The following BICD1 variants were observed in gnomAD, a reference collection of about 807,000 sequenced individuals.
BICD1 encodes the protein protein bicaudal D homolog 1.
Under a neutral mutation model 92.5 loss-of-function variants are expected in BICD1, and 35 were observed. The observed-to-expected ratio is 0.38, with a 90% CI of 0.29 to 0.50. The LOEUF (loss-of-function observed/expected upper bound fraction) is 0.50. BICD1 is among the 20% of genes least tolerant of loss of function. The pLI is 0.93. For missense variants in BICD1, 950 were observed against 1,189.8 expected (o/e 0.80, Z 2.97); for synonymous variants, 429 against 465.1 (o/e 0.92, Z 1.00).
chr12:32,348,723 A>AT (rs1938731494), intron 8 of BICD1, among the ~76,000 whole-genome samples: 1 of 117,956 alleles, frequency 8.5e-6, no homozygotes, highest in Non-Finnish European at 1.9e-5. Context: ...CTCACACAAA[A>AT]ATATATATAT....
At chr12:32,119,197 A>G (rs1942054499) in intron 1 of BICD1, among the ~76,000 whole-genome samples, 1 of 152,198 alleles carries the variant, frequency 6.6e-6, no homozygotes, top group South Asian at 2.1e-4. Flanking sequence ...CATGCTCTGT[A>G]AAAATGACCA....
chr12:32,169,268 A>C (rs1055432509), intron 1 of BICD1, among the ~76,000 whole-genome samples: 4 of 152,198 alleles, frequency 2.6e-5, no homozygotes, highest in Admixed American at 2.6e-4. Flanking sequence ...ACTTAGCACA[A>C]TAAATATTTA....
intron 8 of BICD1, chr12:32,354,034 A>T (rs1011239818): frequency 6.6e-6 from 1 of 152,202 alleles, no homozygotes; most frequent in Non-Finnish European, 1.5e-5. Context: ...GATAACACAC[A>T]TGCTCATGGT....
intron 2 of BICD1, among the ~76,000 whole-genome samples, chr12:32,246,812 C>G (rs150185382): frequency 0.012 from 1,883 of 152,264 alleles, 19 homozygotes; most frequent in Non-Finnish European, 0.018. Context: ...AACCCTTGCT[C>G]TCATGAAACT....
intron 1 of BICD1, among the ~76,000 whole-genome samples, chr12:32,123,492 C>A (rs957637940): frequency 6.6e-6 from 1 of 152,252 alleles, no homozygotes; most frequent in African/African-American, 2.4e-5. Flanking sequence ...ATATGGCATT[C>A]TCTTCCTTCC....
chr12:32,311,370 A>T (rs1948371897), intron 4 of BICD1, among the ~76,000 whole-genome samples: 2 of 152,252 alleles, frequency 1.3e-5, no homozygotes, highest in South Asian at 4.1e-4. Flanking sequence ...ATGGTGATGC[A>T]TGCCTGTAGT....
chr12:32,155,129 A>T (rs1271776333), intron 1 of BICD1, among the ~76,000 whole-genome samples: 2 of 152,212 alleles, frequency 1.3e-5, no homozygotes, highest in African/African-American at 4.8e-5. Context: ...TAAGTTTTTA[A>T]ATCCACAGTG....
At chr12:32,350,437 A>G (rs1399982077) in intron 8 of BICD1, among the ~76,000 whole-genome samples, 1 of 152,182 alleles carries the variant, frequency 6.6e-6, no homozygotes, top group Non-Finnish European at 1.5e-5. Flanking sequence ...TGATTGCACC[A>G]CTGCACTCTA....
chr12:32,238,584 G>C (rs922247395), intron 2 of BICD1, among the ~76,000 whole-genome samples: 3 of 152,206 alleles, frequency 2.0e-5, no homozygotes, highest in African/African-American at 4.8e-5. Flanking sequence ...AAACAGCATT[G>C]CATGCTTCAG....
intron 1 of BICD1, among the ~76,000 whole-genome samples, chr12:32,141,587 C>T (rs1942922182): frequency 6.6e-6 from 1 of 152,106 alleles, no homozygotes; most frequent in South Asian, 2.1e-4. Context: ...GATTCTCCTG[C>T]CTCAGCCTCC....
chr12:32,294,002 G>C lies in BICD1; in HGVS notation c.435G>C (p.Glu145Asp). 6.2e-7 allele frequency: 1 copy of C among 1,612,576 alleles called. No homozygotes were observed. The highest frequency in any genetic ancestry group is 8.5e-7 in the Non-Finnish European group (1 of 1,179,674). The stretch of plus-strand genomic sequence containing the variant: ...TTACTCTGTTGTTTCAGAACAATGA[G>C]ATGGTGGAGCTACAGAGAATACGGA... ...AVVQDLKENN[E>D]MVELQRIRMK... Residue 145 changes from glutamate (E) to aspartate (D), a missense_variant, in exon 3 of 10, where the codon GAG (glutamate) becomes GAC (aspartate). Glu to Asp is a conservative substitution (Grantham distance 45). Transcript: ENST00000652176.
At chr12:32,376,141 TG>T (rs1939948726) in intron 9 of BICD1, among the ~76,000 whole-genome samples, 1 of 150,674 alleles carries the variant, frequency 6.6e-6, no homozygotes, top group Non-Finnish European at 1.5e-5. Context: ...TGGAGTACAG[TG>T]GCGCCATCTT....
At chr12:32,182,815 A>T (rs144789997) in intron 1 of BICD1, among the ~76,000 whole-genome samples, 14 of 150,324 alleles carry the variant, frequency 9.3e-5, no homozygotes, top group African/African-American at 3.2e-4. Context: ...CATGAAATTT[A>T]GTGAGTATTA....
At chr12:32,111,997 A>G (rs1941712488) in intron 1 of BICD1, among the ~76,000 whole-genome samples, 1 of 132,018 alleles carries the variant, frequency 7.6e-6, no homozygotes, top group African/African-American at 2.9e-5. Flanking sequence ...AACTTGCACT[A>G]TCCCTTTTTT....
chr12:32,332,093 C>A (rs1327304256), intron 5 of BICD1, among the ~76,000 whole-genome samples: 1 of 152,028 alleles, frequency 6.6e-6, no homozygotes, highest in Non-Finnish European at 1.5e-5. Context: ...GAGCTGGAGA[C>A]CATTATCCTT....
intron 2 of BICD1, among the ~76,000 whole-genome samples, chr12:32,237,002 G>A (rs1946092663): frequency 6.7e-6 from 1 of 148,548 alleles, no homozygotes; most frequent in African/African-American, 2.5e-5. Context: ...AGCCTCCCAT[G>A]TAGCTGGGAC....
At chr12:32,345,170 C>T (rs959801095) in intron 8 of BICD1, among the ~76,000 whole-genome samples, 26 of 151,584 alleles carry the variant, frequency 1.7e-4, no homozygotes, top group Non-Finnish European at 3.2e-4. Flanking sequence ...CACTCATAGT[C>T]CCAGCTGCTC....
At chr12:32,312,884 A>T (rs1948415487) in intron 4 of BICD1, among the ~76,000 whole-genome samples, 2 of 152,190 alleles carry the variant, frequency 1.3e-5, no homozygotes, top group Non-Finnish European at 2.9e-5. Context: ...TGGTGCCCTC[A>T]AGACCTCATT....
rs1284940210 is a variant in BICD1 at position 32,379,079 on chromosome 12, A to G, written c.*1452A>G. 1 of 152,174 alleles carries G rather than the reference A, an allele frequency of 6.6e-6. No individual in the cohort carries two copies. The highest frequency in any genetic ancestry group is 2.4e-5 in the African/African-American group (1 of 41,444). 9.4% of individuals were successfully genotyped at this position (152,174 alleles called of 1,614,324 possible). A position where few individuals can be genotyped will look rare whatever the true frequency, so the allele number is the denominator to read the frequency against. On this transcript the variant is annotated 3_prime_UTR_variant, in exon 10 of 10. Transcript: ENST00000652176. Reference sequence around the variant, plus strand: ...GTCAGGTAGCCTTAACTTATTTAAAACCATAAGGGTTTGACCTTTTCATAT... The same window carrying G: ...GTCAGGTAGCCTTAACTTATTTAAAGCCATAAGGGTTTGACCTTTTCATAT...
Sources: gnomAD v4.1 joint callset for allele counts (sites outside exome capture counted in the v4.1 genomes callset) on GRCh38, gnomAD v4.1.1 for gene constraint, MANE v1.5 for transcripts, NCBI Gene and HGNC (gene_info 2026-07-23, HGNC 2026-07-21) for gene names.